Variants in JAML observed in about 807,000 individuals in gnomAD.
JAML encodes the protein junction adhesion molecule like, also known as junctional adhesion molecule-like.
JAML carries 25 observed loss-of-function variants against 39.3 expected under a neutral mutation model. That is an observed-to-expected ratio of 0.64 (90% CI 0.46 to 0.89). The LOEUF is 0.89. JAML is among the 40% of genes least tolerant of loss of function. The pLI, the probability that JAML is intolerant of heterozygous loss-of-function variation, is 0.00. For missense variants in JAML, 440 were observed against 486.9 expected (o/e 0.90, Z 0.91); for synonymous variants, 162 against 179.2 (o/e 0.90, Z 0.77).
In JAML at chr11:118,222,721, G is replaced by A. The variant is rs1480059098; in HGVS notation, c.-21+2220C>T. On this transcript the variant is annotated intron_variant, in intron 1 of 9. Transcript: ENST00000356289. The surrounding 1 kb of genome is among the most constrained non-coding windows in gnomAD (Gnocchi z 4.2). ...GTGTTTTGGTGGGAGGTTATAAGAA[G>A]GCGTGTGAATATGGTTTCTGTTAAA... is the stretch of plus-strand genomic sequence containing the variant. Among the ~76,000 whole-genome samples, 1 of 152,164 alleles carries A rather than the reference G, an allele frequency of 6.6e-6. No homozygotes were observed. The highest frequency in any genetic ancestry group is 2.4e-5 in the African/African-American group (1 of 41,442).
chr11:118,204,450 C>A (rs977733476), intron 5 of JAML: 5 of 152,482 alleles, frequency 3.3e-5, no homozygotes, highest in Admixed American at 2.6e-4. Context: ...TCTCCCTTTA[C>A]CTCTGACTTC....
intron 4 of JAML, among the ~76,000 whole-genome samples, chr11:118,206,785 A>G (rs1948925862): frequency 6.6e-6 from 1 of 152,206 alleles, no homozygotes; most frequent in Non-Finnish European, 1.5e-5. Context: ...TGTTTATTAC[A>G]TAAGTCATTT....
intron 3 of JAML, among the ~76,000 whole-genome samples, chr11:118,211,995 T>C (rs1949070395): frequency 7.5e-6 from 1 of 133,990 alleles, no homozygotes; most frequent in South Asian, 3.3e-4. Context: ...GAGCTCTCCT[T>C]TCTAGAACCT....
chr11:118,201,614 A>C (rs1948799706), intron 6 of JAML: 1 of 152,310 alleles, frequency 6.6e-6, no homozygotes, highest in African/African-American at 2.4e-5. Context: ...AAAGTTCTTA[A>C]TGTGATTTAG....
chr11:118,224,520 T>C (rs1415883128), intron 1 of JAML, among the ~76,000 whole-genome samples: 1 of 152,190 alleles, frequency 6.6e-6, no homozygotes, highest in African/African-American at 2.4e-5. Context: ...TCATGTTGTA[T>C]ACCTTAAATA....
At position 118,222,362 on chromosome 11, in the gene JAML, G is replaced by T. The variant is rs1419653248; in HGVS notation, c.-21+2579C>A. Among the ~76,000 whole-genome samples, 1 of 152,112 alleles carries T rather than the reference G, an allele frequency of 6.6e-6. No individual in the cohort carries two copies. Among genetic ancestry groups the T allele is most frequent in the African/African-American group, 2.4e-5 (1 of 41,432 alleles). ...TTGAGCCCAGGAGGCTGAGGCTGCA[G>T]CGAGTTGTGATCGCACCACTGCATT... is the stretch of plus-strand genomic sequence containing the variant. On this transcript the variant is annotated intron_variant, in intron 1 of 9. Transcript: ENST00000356289. This position sits in a 1 kb window ranked among gnomAD's most constrained non-coding sequence, Gnocchi z 4.2.
chr11:118,198,302 A>C (rs1460919682), intron 7 of JAML, among the ~76,000 whole-genome samples: 4 of 152,224 alleles, frequency 2.6e-5, no homozygotes, highest in African/African-American at 9.7e-5. Context: ...TCTGGAGATA[A>C]TTTAGGCTGA....
At chr11:118,213,102 C>G in intron 2 of JAML, 1 of 1,478,390 alleles carries the variant, frequency 6.8e-7, no homozygotes, top group South Asian at 1.4e-5. Context: ...TTTCCTCCTG[C>G]ATTTCCACTG....
chr11:118,206,525 G>T (rs978273315), intron 4 of JAML, among the ~76,000 whole-genome samples: 1 of 152,134 alleles, frequency 6.6e-6, no homozygotes. Context: ...CTAAAAAAAT[G>T]AACCAGGGGT....
chr11:118,194,927 C>A (rs938228482), intron 9 of JAML, among the ~76,000 whole-genome samples: 1 of 152,154 alleles, frequency 6.6e-6, no homozygotes, highest in South Asian at 2.1e-4. Context: ...CTTGACTGGC[C>A]CCTGCCAGCC....
At chr11:118,220,262 G>A (rs1004578039) in intron 1 of JAML, among the ~76,000 whole-genome samples, 1 of 152,154 alleles carries the variant, frequency 6.6e-6, no homozygotes, top group South Asian at 2.1e-4. Flanking sequence ...CCGATTATCC[G>A]GTGCAAGGCC....
At chr11:118,204,735 G>A (rs185218893) in intron 5 of JAML, 7 of 152,222 alleles carry the variant, frequency 4.6e-5, no homozygotes, top group South Asian at 2.1e-4. Context: ...TATTATATAC[G>A]TCTTTATTAT....
chr11:118,210,545 C>T lies in JAML; in HGVS notation c.366G>A (p.Gly122=). The part of the protein sequence containing the change: ...GTYICEIRLK[G]ESQVFKKAVV... ...CCGCCTTCTTGAACACCTGGCTCTC[C>T]CCTTTGAGGCGGATTTCACAGATAT... The change falls in exon 4 of 10, where the codon GGG becomes GGA. Residue 122 remains glycine, a synonymous_variant. Transcript: ENST00000356289. The T allele has an allele frequency of 6.2e-7, 1 of 1,614,196 alleles. No individual in the cohort carries two copies. The highest frequency in any genetic ancestry group is 1.7e-5 in the Admixed American group (1 of 60,022).
intron 1 of JAML, among the ~76,000 whole-genome samples, chr11:118,219,227 A>G (rs1338242354): frequency 1.3e-5 from 2 of 152,230 alleles, no homozygotes; most frequent in Non-Finnish European, 2.9e-5. Flanking sequence ...ATGAGTTATC[A>G]TCTCATACCA....
In JAML at chr11:118,213,405, C is replaced by T. The variant is rs1949098827; in HGVS notation, c.44-844G>A. 7 of 931,350 alleles carry T rather than the reference C, an allele frequency of 7.5e-6. No individual in the cohort carries two copies. In the South Asian group the frequency reaches 2.9e-4, roughly 39 times the overall value. The allele number at this position is 931,350 out of a possible 1,614,324, so 57.7% of individuals were successfully genotyped here. On this transcript the variant is annotated intron_variant, in intron 2 of 9. Coordinates refer to ENST00000356289, the MANE Select transcript of JAML (RefSeq NM_001098526.2). ...CCAGTCTTTTCATCCAAGCTGTTTC[C>T]CTGAGAGAAGACAGTTAACTTCCTG...
intron 1 of JAML, among the ~76,000 whole-genome samples, chr11:118,216,976 G>C (rs1283890954): frequency 6.6e-6 from 1 of 152,138 alleles, no homozygotes; most frequent in East Asian, 1.9e-4. Flanking sequence ...ATCACATCTG[G>C]GACATCTGTT....
intron 4 of JAML, among the ~76,000 whole-genome samples, chr11:118,208,257 G>A (rs1006331113): frequency 4.0e-5 from 6 of 151,612 alleles, no homozygotes; most frequent in African/African-American, 1.5e-4. Context: ...GAGAGAGAGA[G>A]AATCCTTGGG....
intron 3 of JAML, 78 bp from the exon 4 acceptor site, chr11:118,210,790 G>T: frequency 1.7e-6 from 2 of 1,185,968 alleles, no homozygotes; most frequent in Non-Finnish European, 2.5e-6. Context: ...ACTCTGTTAT[G>T]TGGGGGCAGC....
chr11:118,203,348 C>A, intron 6 of JAML, 80 bp downstream of exon 6: 1 of 1,323,566 alleles, frequency 7.6e-7, no homozygotes, highest in Non-Finnish European at 1.1e-6. Context: ...ATCCTAGGAA[C>A]CTCTCCGGCC....
Sources: allele counts gnomAD v4.1 joint callset (sites outside exome capture counted in the v4.1 genomes callset), GRCh38; gene constraint gnomAD v4.1.1; non-coding constraint Gnocchi (gnomAD v3.1); transcripts MANE v1.5; gene names NCBI Gene and HGNC (gene_info 2026-07-23, HGNC 2026-07-21).